The following RAD51AP2 variants were observed in gnomAD, a reference collection of about 807,000 sequenced individuals.
RAD51AP2 encodes the protein RAD51-associated protein 2.
Under a neutral mutation model 85.5 loss-of-function variants are expected in RAD51AP2, and 67 were observed. The ratio of observed to expected loss-of-function variants is 0.78; its 90% CI spans 0.64 to 0.96. The LOEUF (loss-of-function observed/expected upper bound fraction) is 0.96. Among genes scored for constraint, RAD51AP2 ranks in the 40% least tolerant of loss-of-function variants. The pLI, the probability that RAD51AP2 is intolerant of heterozygous loss-of-function variation, is 0.00. For missense variants in RAD51AP2, 1,307 were observed against 1,332.4 expected, an observed-to-expected ratio of 0.98 and a Z score of 0.30; for synonymous variants, 474 against 446.5, an observed-to-expected ratio of 1.06 and a Z score of -0.78.
chr2:17,518,257 C>T lies in RAD51AP2; in HGVS notation c.159G>A (p.Leu53=). 6.2e-7 allele frequency: 1 copy of T among 1,614,168 alleles called. No individual in the cohort carries two copies. The highest frequency in any genetic ancestry group is 1.1e-5 in the South Asian group (1 of 91,088). Residue 53 remains leucine (L), a synonymous_variant, in exon 1 of 3, where the codon CTG becomes CTA. Coordinates refer to ENST00000399080, the MANE Select transcript of RAD51AP2 (RefSeq NM_001099218.3). The part of the protein sequence containing the change: ...GVFKAGWRLP[L]VPRLSEAEKV... ...TTTCCGCCTCAGACAAGCGAGGCAC[C>T]AGAGGCAGTCGCCAGCCCGCCTTAA... is the stretch of plus-strand genomic sequence containing the variant.
intron 2 of RAD51AP2, among the ~76,000 whole-genome samples, chr2:17,511,343 T>C (rs1662489256): frequency 6.6e-6 from 1 of 152,216 alleles, no homozygotes; most frequent in Admixed American, 6.5e-5. Context: ...TTAATGGTTA[T>C]GTTTGGTTTC....
chr2:17,518,509 C>A, upstream of RAD51AP2: 1 of 1,454,144 alleles, frequency 6.9e-7, no homozygotes, highest in South Asian at 1.4e-5. Context: ...CCTGACCCGC[C>A]CCTCAAGACC....
In RAD51AP2 at chr2:17,514,011, C is replaced by T. The variant is rs756582221; in HGVS notation, c.3328+1G>A. Reference sequence around the variant, plus strand: ...ATCCTAAAAAGTAACCACAATGTTACCTCCTCTCAATAAATAATTAAATTC... The same window carrying T: ...ATCCTAAAAAGTAACCACAATGTTATCTCCTCTCAATAAATAATTAAATTC... On this transcript the variant is annotated splice_donor_variant, in intron 2 of 2. Transcript: ENST00000399080. LOFTEE classifies it high-confidence loss of function. The T allele has an allele frequency of 1.1e-5, 17 of 1,485,662 alleles. No individual in the cohort carries two copies. The highest frequency in any genetic ancestry group is 1.7e-5 in the Admixed American group (1 of 58,468). The allele number at this position is 1,485,662 out of a possible 1,614,324, so 92.0% of individuals were successfully genotyped here.
At chr2:17,535,695 AG>A in the RAD51AP2 span, among the ~76,000 whole-genome samples, 2 of 152,148 alleles carry the variant, frequency 1.3e-5, no homozygotes, top group Non-Finnish European at 2.9e-5. Flanking sequence ...TAGGCAGCAC[AG>A]GGGGAAGAAC....
the RAD51AP2 span, among the ~76,000 whole-genome samples, chr2:17,527,917 T>C: frequency 6.6e-6 from 1 of 152,230 alleles, no homozygotes; most frequent in Non-Finnish European, 1.5e-5. Context: ...GGCATGGTTA[T>C]GAAGGGCAGA....
the RAD51AP2 span, among the ~76,000 whole-genome samples, chr2:17,534,370 G>T: frequency 3.9e-5 from 6 of 152,020 alleles, no homozygotes; most frequent in African/African-American, 1.5e-4. Flanking sequence ...GCATATTCTT[G>T]TCATCCCAAG....
At chr2:17,531,231 T>C in the RAD51AP2 span, among the ~76,000 whole-genome samples, 1 of 152,204 alleles carries the variant, frequency 6.6e-6, no homozygotes, top group African/African-American at 2.4e-5. Flanking sequence ...TTTATACTCA[T>C]AGGCAATAAT....
intron 2 of RAD51AP2, 102 bp from the exon 3 acceptor site, chr2:17,511,057 T>C (rs1662480154): frequency 1.1e-5 from 7 of 631,424 alleles, no homozygotes; most frequent in South Asian, 3.9e-5. Flanking sequence ...GAATATTTAC[T>C]GAGCACTTAT....
chr2:17,510,718 A>T lies in RAD51AP2; in HGVS notation c.*86T>A. ...AACTTCTCCACTTTATAATAAAGCAAGCCCCAAACCCCCAAGCTGGAAGAA... is the reference window on the plus strand; with the variant it reads ...AACTTCTCCACTTTATAATAAAGCATGCCCCAAACCCCCAAGCTGGAAGAA... On this transcript the variant is annotated 3_prime_UTR_variant, in exon 3 of 3. Coordinates refer to ENST00000399080, the MANE Select transcript of RAD51AP2 (RefSeq NM_001099218.3). 2 of 866,206 alleles carry T rather than the reference A, an allele frequency of 2.3e-6. No homozygotes were observed. Among genetic ancestry groups the T allele is most frequent in the Non-Finnish European group, 3.3e-6 (2 of 607,316 alleles). The allele number at this position is 866,206 out of a possible 1,614,324, so 53.7% of individuals were successfully genotyped here.
chr2:17,518,329 T>C lies in RAD51AP2; in HGVS notation c.87A>G (p.Gln29=). 5 of 1,613,984 alleles carry C rather than the reference T, an allele frequency of 3.1e-6. No individual in the cohort carries two copies. Among genetic ancestry groups the C allele is most frequent in the Non-Finnish European group, 3.4e-6 (4 of 1,179,978 alleles). ...SLTPPEDPDS[Q]PPSSKRLCLE... ...GACAGAGCCGCTTGCTACTAGGTGG[T>C]TGGGAATCCGGGTCCTCAGGAGGCG... Residue 29 remains glutamine (Q), a synonymous_variant, in exon 1 of 3, where the codon CAA becomes CAG. Coordinates refer to ENST00000399080, the MANE Select transcript of RAD51AP2 (RefSeq NM_001099218.3).
chr2:17,531,414 A>G, the RAD51AP2 span, among the ~76,000 whole-genome samples: 1 of 152,068 alleles, frequency 6.6e-6, no homozygotes, highest in Non-Finnish European at 1.5e-5. Flanking sequence ...AACTTCTAAT[A>G]CTGTACTACA....
rs200445553 is a variant in RAD51AP2 at position 17,515,867 on chromosome 2, A to G, written c.2549T>C (p.Val850Ala). Residue 850 changes from valine to alanine, a missense_variant, in exon 1 of 3, where the codon GTT (valine) becomes GCT (alanine). Coordinates refer to ENST00000399080, the MANE Select transcript of RAD51AP2 (RefSeq NM_001099218.3). ...TAESLTNSCQ[V>A]HKDTKIEKEE... is the part of the protein sequence containing the mutation. Reference sequence around the variant, plus strand: ...CTTTTCTATCTTAGTATCTTTGTGAACTTGGCAACTATTTGTTAAACTTTC... The same window carrying G: ...CTTTTCTATCTTAGTATCTTTGTGAGCTTGGCAACTATTTGTTAAACTTTC... 47 of 1,607,688 alleles carry G rather than the reference A, an allele frequency of 2.9e-5. No homozygotes were observed. The highest frequency in any genetic ancestry group is 3.9e-5 in the Non-Finnish European group (46 of 1,178,012).
In RAD51AP2 at chr2:17,516,465, T is replaced by C. The variant is rs1292907101; in HGVS notation, c.1951A>G (p.Lys651Glu). 2 of 1,555,342 alleles carry C rather than the reference T, an allele frequency of 1.3e-6. No individual in the cohort carries two copies. The highest frequency in any genetic ancestry group is 1.7e-6 in the Non-Finnish European group (2 of 1,144,456). ...AAAACTTGTTCAGTTCTAAATAACT[T>C]CCTTTTCTTTAACATAGGTTTCATA... ...DNMKPMLKKR[K>E]LFRTEQVFEK... Residue 651 changes from lysine (K) to glutamate (E), a missense_variant, in exon 1 of 3, where the codon AAG becomes GAG. Physicochemically the swap from Lys to Glu is moderately conservative, Grantham distance 56. Coordinates refer to ENST00000399080, the MANE Select transcript of RAD51AP2 (RefSeq NM_001099218.3).
the RAD51AP2 span, among the ~76,000 whole-genome samples, chr2:17,535,796 A>G: frequency 6.6e-6 from 1 of 152,096 alleles, no homozygotes; most frequent in Non-Finnish European, 1.5e-5. Flanking sequence ...AAGATGCTCT[A>G]TAGGTAGTTT....
At chr2:17,524,766 A>G in the RAD51AP2 span, among the ~76,000 whole-genome samples, 1 of 151,946 alleles carries the variant, frequency 6.6e-6, no homozygotes, top group African/African-American at 2.4e-5. Flanking sequence ...CATTTTTTAA[A>G]CTGTCAGCTT....
the RAD51AP2 span, among the ~76,000 whole-genome samples, chr2:17,527,988 TATC>T: frequency 2.6e-5 from 4 of 152,226 alleles, no homozygotes; most frequent in African/African-American, 9.6e-5. Flanking sequence ...TCTAACTATA[TATC>T]ATCATGGGAA....
chr2:17,512,985 G>A (rs1181625374), intron 2 of RAD51AP2, among the ~76,000 whole-genome samples: 1 of 152,142 alleles, frequency 6.6e-6, no homozygotes, highest in African/African-American at 2.4e-5. Flanking sequence ...CATGATGCAT[G>A]ACTTAAGATG....
the RAD51AP2 span, among the ~76,000 whole-genome samples, chr2:17,530,383 G>A: frequency 0.029 from 4,466 of 152,000 alleles, 64 homozygotes; most frequent in Middle Eastern, 0.055. Flanking sequence ...GCTTTCGAGA[G>A]GCACTGACTC....
upstream of RAD51AP2, among the ~76,000 whole-genome samples, chr2:17,520,851 C>T (rs1029018542): frequency 2.0e-5 from 3 of 151,756 alleles, no homozygotes; most frequent in African/African-American, 7.2e-5. Context: ...CTTCATTTCT[C>T]CTCCTGGCAA....
Sources: gnomAD v4.1 joint callset for allele counts (sites outside exome capture counted in the v4.1 genomes callset) on GRCh38, gnomAD v4.1.1 for gene constraint, MANE v1.5 for transcripts, NCBI Gene and HGNC (gene_info 2026-07-23, HGNC 2026-07-21) for gene names.